The following FBXO30 variants were observed in gnomAD, a reference collection of about 807,000 sequenced individuals.
FBXO30 encodes the protein F-box only protein 30.
Under a neutral mutation model 58.1 loss-of-function variants are expected in FBXO30, and 21 were observed. That is an observed-to-expected ratio of 0.36 (90% confidence interval 0.26 to 0.52). The LOEUF is 0.52. Among genes scored for constraint, FBXO30 ranks in the 20% least tolerant of loss-of-function variants. The pLI is 0.93. For synonymous variants in FBXO30, 309 were observed against 312.4 expected (o/e 0.99, Z 0.11); for missense variants, 744 against 897.3 (o/e 0.83, Z 2.18).
chr6:145,805,058 C>A lies in FBXO30; in HGVS notation c.1348G>T (p.Asp450Tyr), dbSNP rs1230952336. 6.2e-7 allele frequency: 1 copy of A among 1,614,010 alleles called. No homozygotes were observed. Residue 450 changes from aspartate (D) to tyrosine (Y), a missense_variant, in exon 2 of 3, where the codon GAT becomes TAT. Physicochemically the swap from Asp to Tyr is radical, Grantham distance 160 (BLOSUM62 -3). Coordinates refer to ENST00000237281, the MANE Select transcript of FBXO30 (RefSeq NM_032145.5). ...GTCCCAACGTCAATGTGATAAATAT[C>A]AGCCATGCGGCTATCAGATATACCC... ...GRGISDSRMA[D>Y]IYHIDVGTQT...
At chr6:145,813,525 T>C (rs1778393065) in intron 1 of FBXO30, among the ~76,000 whole-genome samples, 1 of 152,174 alleles carries the variant, frequency 6.6e-6, no homozygotes, top group African/African-American at 2.4e-5. Context: ...TATTTTATGC[T>C]ACTCTTTTCC....
intron 1 of FBXO30, among the ~76,000 whole-genome samples, chr6:145,812,663 G>A (rs1778364194): frequency 1.3e-5 from 2 of 152,030 alleles, no homozygotes; most frequent in Non-Finnish European, 1.5e-5. Flanking sequence ...AAAATTTTAC[G>A]TGTAATTATT....
In FBXO30 at chr6:145,805,994, C is replaced by T; in HGVS notation, c.412G>A (p.Val138Ile). Residue 138 changes from valine to isoleucine, a missense_variant, in exon 2 of 3, where the codon GTA (valine) becomes ATA (isoleucine). Val to Ile is a conservative substitution (Grantham distance 29, BLOSUM62 3). Coordinates refer to ENST00000237281, the MANE Select transcript of FBXO30 (RefSeq NM_032145.5). ...GTTGCTTTTGACATCATGGTGGCTA[C>T]TTTGAGGGATTCTAAGAGCATCCTT... ...DQRMLLESLKVATMMSKATDK... is the reference protein window; with the variant it reads ...DQRMLLESLKIATMMSKATDK... 1 of 1,614,072 alleles carries T rather than the reference C, an allele frequency of 6.2e-7. No individual in the cohort carries two copies. The highest frequency in any genetic ancestry group is 8.5e-7 in the Non-Finnish European group (1 of 1,179,984).
chr6:145,801,698 T>G lies in FBXO30; in HGVS notation c.2035-1389A>C, dbSNP rs1322355676. On this transcript the variant is annotated intron_variant, in intron 2 of 2. Transcript: ENST00000237281. The stretch of plus-strand genomic sequence containing the variant: ...ACGGTACCCCCTATACTCCTTAGGA[T>G]TATGATCAATTACCCTTTATGGAGT... 2.0e-5 allele frequency among the ~76,000 whole-genome samples: 3 copies of G among 152,050 alleles called. No individual in the cohort carries two copies. In the East Asian group the frequency reaches 5.8e-4, roughly 29 times the overall value.
intron 1 of FBXO30, chr6:145,809,941 A>G (rs1269036373): frequency 6.6e-6 from 1 of 152,206 alleles, no homozygotes; most frequent in African/African-American, 2.4e-5. Flanking sequence ...GCACTTCTGT[A>G]ACTGGTGATC....
intron 1 of FBXO30, among the ~76,000 whole-genome samples, chr6:145,808,678 T>C (rs1214942235): frequency 6.6e-6 from 1 of 151,946 alleles, no homozygotes; most frequent in African/African-American, 2.4e-5. Context: ...ATGGATTACT[T>C]ATGATATATT....
intron 2 of FBXO30, among the ~76,000 whole-genome samples, chr6:145,803,173 C>A (rs947945677): frequency 6.6e-6 from 1 of 151,778 alleles, no homozygotes; most frequent in African/African-American, 2.4e-5. Context: ...AGAATCCCCC[C>A]AAAAATTTCA....
intron 2 of FBXO30, among the ~76,000 whole-genome samples, chr6:145,803,613 T>C (rs1167271027): frequency 6.6e-6 from 1 of 152,202 alleles, no homozygotes; most frequent in Non-Finnish European, 1.5e-5. Flanking sequence ...CAGTTCCTAC[T>C]GAGTAGTGCC....
At chr6:145,800,368 CT>C in intron 2 of FBXO30, 59 bp from the exon 3 acceptor site, 1 of 1,393,360 alleles carries the variant, frequency 7.2e-7, no homozygotes, top group Non-Finnish European at 1.0e-6. Flanking sequence ...TCAAAACACA[CT>C]TTTTGCTCCT....
At chr6:145,808,024 T>G (rs1402307543) in intron 1 of FBXO30, among the ~76,000 whole-genome samples, 1 of 151,998 alleles carries the variant, frequency 6.6e-6, no homozygotes, top group Non-Finnish European at 1.5e-5. Context: ...CCCAACTACT[T>G]GGGAGGCCAA....
At chr6:145,807,378 A>C (rs1778206029) in intron 1 of FBXO30, among the ~76,000 whole-genome samples, 1 of 152,208 alleles carries the variant, frequency 6.6e-6, no homozygotes, top group African/African-American at 2.4e-5. Flanking sequence ...GGTAAGAAAG[A>C]GAGGCATTCA....
In FBXO30 at chr6:145,805,024, A is replaced by G; in HGVS notation, c.1382T>C (p.Phe461Ser). 1 of 1,613,930 alleles carries G rather than the reference A, an allele frequency of 6.2e-7. No individual in the cohort carries two copies. The highest frequency in any genetic ancestry group is 8.5e-7 in the Non-Finnish European group (1 of 1,179,944). Residue 461 changes from phenylalanine (F) to serine (S), a missense_variant, in exon 2 of 3, where the codon TTT (phenylalanine) becomes TCT (serine). Phe to Ser is a radical substitution (Grantham distance 155, BLOSUM62 -2). Coordinates refer to ENST00000237281, the MANE Select transcript of FBXO30 (RefSeq NM_032145.5). Reference sequence around the variant, plus strand: ...AGCTAATATTGCAGATGGAAGTGAAAAAGTCTGAGTCCCAACGTCAATGTG... The same window carrying G: ...AGCTAATATTGCAGATGGAAGTGAAGAAGTCTGAGTCCCAACGTCAATGTG... Reference protein sequence around the residue: ...IYHIDVGTQTFSLPSAILATS... With the variant: ...IYHIDVGTQTSSLPSAILATS...
In FBXO30 at chr6:145,805,247, G is replaced by A; in HGVS notation, c.1159C>T (p.Pro387Ser). The change falls in exon 2 of 3, where the codon CCT becomes TCT. Residue 387 changes from proline (P) to serine (S), a missense_variant. Pro to Ser is a moderately conservative substitution (Grantham distance 74). Coordinates refer to ENST00000237281, the MANE Select transcript of FBXO30 (RefSeq NM_032145.5). ...GAATTAGAAAGAAAATTGAATGAAG[G>A]AGCATGACTGAAAGATAAGACATCC... Reference protein sequence around the residue: ...NVDVLSFSHAPSFNFLSNSCW... With the variant: ...NVDVLSFSHASSFNFLSNSCW... The A allele has an allele frequency of 1.9e-6, 3 of 1,613,994 alleles. No homozygotes were observed. Among genetic ancestry groups the A allele is most frequent in the South Asian group, 1.1e-5 (1 of 91,076 alleles).
rs775043012 is a variant in FBXO30 at position 145,805,274 on chromosome 6, C to T, written c.1132G>A (p.Val378Met). The T allele has an allele frequency of 7.4e-6, 12 of 1,613,956 alleles. No homozygotes were observed. The highest frequency in any genetic ancestry group is 1.0e-5 in the Non-Finnish European group (12 of 1,179,976). Reference protein sequence around the residue: ...KKVDLGDVKNVDVLSFSHAPS... With the variant: ...KKVDLGDVKNMDVLSFSHAPS... Reference sequence around the variant, plus strand: ...GCATGACTGAAAGATAAGACATCCACATTCTTCACGTCCCCTAAGTCTACT... The same window carrying T: ...GCATGACTGAAAGATAAGACATCCATATTCTTCACGTCCCCTAAGTCTACT... Residue 378 changes from valine (V) to methionine (M), a missense_variant, in exon 2 of 3, where the codon GTG becomes ATG. This residue lies in a region of FBXO30 where 275 missense variants were observed against 262.0 expected (regional missense o/e 1.05). Coordinates refer to ENST00000237281, the MANE Select transcript of FBXO30 (RefSeq NM_032145.5).
Position 145,800,319 on chromosome 6 carries a change from A to C in FBXO30, c.2035-10T>G, listed in dbSNP as rs1483348337. 1 of 1,609,456 alleles carries C rather than the reference A, an allele frequency of 6.2e-7. No homozygotes were observed. Among genetic ancestry groups the C allele is most frequent in the Non-Finnish European group, 8.5e-7 (1 of 1,177,022 alleles). ...TACTAAATCGCCATACCTACAAGAA[A>C]ATTCTACTTTAGATTTAAACAAGTC... On this transcript the variant is annotated splice_polypyrimidine_tract_variant and intron_variant, in intron 2 of 2. Transcript: ENST00000237281.
intron 1 of FBXO30, 69 bp downstream of exon 1, chr6:145,814,534 G>A (rs370190564): frequency 1.3e-5 from 2 of 151,668 alleles, no homozygotes; most frequent in Non-Finnish European, 2.9e-5. Flanking sequence ...CAAACTGCCC[G>A]GCCGCTGCCT....
chr6:145,803,923 G>C (rs947656777), intron 2 of FBXO30, among the ~76,000 whole-genome samples: 2 of 151,996 alleles, frequency 1.3e-5, no homozygotes, highest in African/African-American at 2.4e-5. Context: ...CTCATCTCTT[G>C]CTATTTAGGT....
chr6:145,801,269 A>AC (rs1344019241), intron 2 of FBXO30, among the ~76,000 whole-genome samples: 1 of 152,122 alleles, frequency 6.6e-6, no homozygotes, highest in Admixed American at 6.6e-5. Context: ...CACACGTTGA[A>AC]CTGCAGATGC....
intron 2 of FBXO30, among the ~76,000 whole-genome samples, chr6:145,801,675 G>A (rs117550797): frequency 1.3e-5 from 2 of 151,974 alleles, no homozygotes; most frequent in East Asian, 1.9e-4. Context: ...TCAGCACAAC[G>A]GTACCCCCTA....
Sources: gnomAD v4.1 joint callset for allele counts (sites outside exome capture counted in the v4.1 genomes callset) on GRCh38, gnomAD v4.1.1 for gene constraint, gnomAD v4.1.1 regional missense constraint, MANE v1.5 for transcripts, NCBI Gene and HGNC (gene_info 2026-07-23, HGNC 2026-07-21) for gene names.